Variants in SGK3 observed in about 807,000 individuals in gnomAD.
SGK3 encodes serine/threonine-protein kinase Sgk3.
SGK3 carries 47 observed loss-of-function variants against 68.5 expected under a neutral mutation model. The observed-to-expected ratio is 0.69, with a 90% confidence interval of 0.54 to 0.87. The LOEUF (loss-of-function observed/expected upper bound fraction) is 0.87. SGK3 is among the 40% of genes least tolerant of loss of function. The probability of loss-of-function intolerance (pLI) is 0.00; values close to 1 mark genes in which losing one functional copy is unlikely to be tolerated. For synonymous variants in SGK3, 181 were observed against 189.1 expected (o/e 0.96, Z 0.35); for missense variants, 479 against 575.5 (o/e 0.83, Z 1.72).
chr8:66,856,973 G>C (rs1035910694), intron 16 of SGK3, among the ~76,000 whole-genome samples: 9 of 152,006 alleles, frequency 5.9e-5, no homozygotes, highest in African/African-American at 2.2e-4. Flanking sequence ...CATATCTGTA[G>C]TCCCAGCTAC....
intron 6 of SGK3, among the ~76,000 whole-genome samples, chr8:66,824,776 T>A (rs73693609): frequency 0.02 from 3,108 of 152,286 alleles, 109 homozygotes; most frequent in African/African-American, 0.069. Context: ...ATGTTAAGCT[T>A]TGACACATCA....
chr8:66,794,612 AT>A lies in SGK3; in HGVS notation c.96+783del, dbSNP rs1807599598. On this transcript the variant is annotated intron_variant, in intron 2 of 16. Transcript: ENST00000521198. The stretch of plus-strand genomic sequence containing the variant: ...TGTTTAATACTTAGTCTATCTAATA[AT>A]TTAACCAGGTCTCAGGATAAAATGC... Among the ~76,000 whole-genome samples the A allele has an allele frequency of 2.6e-5, 4 of 152,168 alleles. No homozygotes were observed. In the South Asian group the frequency reaches 8.3e-4, roughly 32 times the overall value.
chr8:66,806,741 A>G (rs1808180207), intron 4 of SGK3, among the ~76,000 whole-genome samples: 1 of 149,278 alleles, frequency 6.7e-6, no homozygotes, highest in Non-Finnish European at 1.5e-5. Context: ...TGAATCCAGG[A>G]GTCGGAGGTT....
chr8:66,735,437 G>A (rs1251545317), intron 1 of SGK3, among the ~76,000 whole-genome samples: 1 of 152,218 alleles, frequency 6.6e-6, no homozygotes, highest in African/African-American at 2.4e-5. Context: ...TTTAGCGGAA[G>A]TCTCTTCTCA....
At chr8:66,807,636 C>A (rs946301546) in intron 4 of SGK3, among the ~76,000 whole-genome samples, 2 of 152,124 alleles carry the variant, frequency 1.3e-5, no homozygotes, top group African/African-American at 4.8e-5. Flanking sequence ...ATAAGATGCT[C>A]ATTTGGTTAT....
intron 8 of SGK3, among the ~76,000 whole-genome samples, chr8:66,835,146 T>G (rs1469038428): frequency 6.6e-6 from 1 of 152,138 alleles, no homozygotes; most frequent in African/African-American, 2.4e-5. Context: ...GGCACACGCC[T>G]GTAGTCCCAG....
At chr8:66,814,513 C>T (rs991835874) in intron 5 of SGK3, among the ~76,000 whole-genome samples, 15 of 152,162 alleles carry the variant, frequency 9.9e-5, no homozygotes, top group Non-Finnish European at 1.8e-4. Flanking sequence ...AAGCCTGAAC[C>T]GTCAGGACAC....
In SGK3 at chr8:66,751,136, C is replaced by T. The variant is rs560757526; in HGVS notation, c.-122+38303C>T. On this transcript the variant is annotated intron_variant, in intron 1 of 16. Coordinates refer to ENST00000521198, the MANE Select transcript of SGK3 (RefSeq NM_001033578.3). ...AACACACGGTGAAACCCTGTCTCTA[C>T]TAAAAATACAAAAAAATTAGCCGGG... is the stretch of plus-strand genomic sequence containing the variant. Among the ~76,000 whole-genome samples the T allele has an allele frequency of 2.0e-5, 3 of 151,802 alleles. No homozygotes were observed. The East Asian group carries it at 5.8e-4, about 29-fold the overall frequency.
At chr8:66,785,434 G>A (rs1194467170) in intron 1 of SGK3, among the ~76,000 whole-genome samples, 1 of 152,152 alleles carries the variant, frequency 6.6e-6, no homozygotes, top group Non-Finnish European at 1.5e-5. Flanking sequence ...TGGCATTAGT[G>A]CTCAGTAAAT....
At chr8:66,766,674 C>T (rs1333012594) in intron 1 of SGK3, among the ~76,000 whole-genome samples, 6 of 152,038 alleles carry the variant, frequency 3.9e-5, no homozygotes, top group Non-Finnish European at 8.8e-5. Flanking sequence ...TCTATTTCTT[C>T]TTGAAATATT....
At chr8:66,785,278 T>C (rs1426789920) in intron 1 of SGK3, among the ~76,000 whole-genome samples, 2 of 152,202 alleles carry the variant, frequency 1.3e-5, no homozygotes, top group East Asian at 1.9e-4. Flanking sequence ...ATGAGAGTGC[T>C]TTCACCCACA....
chr8:66,746,559 AT>A (rs1003317870), intron 1 of SGK3, among the ~76,000 whole-genome samples: 96 of 146,664 alleles, frequency 6.5e-4, no homozygotes, highest in South Asian at 3.9e-3. Context: ...CTGTCTCTAC[AT>A]TTTTTTTTTT....
Position 66,850,951 on chromosome 8 carries a change from A to G in SGK3, c.1320+31A>G, listed in dbSNP as rs1016993699. On this transcript the variant is annotated intron_variant, in intron 16 of 16. Coordinates refer to ENST00000521198, the MANE Select transcript of SGK3 (RefSeq NM_001033578.3). ...TATATATCCAAATCTTTCTTTCTAG[A>G]ATCGTGAAACTTAATAGCAGTTCAT... is the stretch of plus-strand genomic sequence containing the variant. 4 of 1,569,482 alleles carry G rather than the reference A, an allele frequency of 2.5e-6. No homozygotes were observed. In the African/African-American group the frequency reaches 5.5e-5, roughly 21 times the overall value.
At chr8:66,713,699 G>T (rs1329896685) in intron 1 of SGK3, among the ~76,000 whole-genome samples, 1 of 152,224 alleles carries the variant, frequency 6.6e-6, no homozygotes, top group South Asian at 2.1e-4. Flanking sequence ...CCCTTACTAT[G>T]CGCTGGGCTC....
At chr8:66,828,808 G>A in intron 7 of SGK3, 105 bp downstream of exon 7, 1 of 1,395,306 alleles carries the variant, frequency 7.2e-7, no homozygotes, top group African/African-American at 1.4e-5. Context: ...GTAGGCCTTT[G>A]AAATATAACC....
Position 66,817,289 on chromosome 8 carries a change from G to C in SGK3, c.329+3361G>C, listed in dbSNP as rs182383381. Among the ~76,000 whole-genome samples, 650 of 152,020 alleles carry C rather than the reference G, an allele frequency of 4.3e-3. 6 individuals are homozygous for C. The highest frequency in any genetic ancestry group is 0.015 in the African/African-American group (620 of 41,548). ...CTACTAAAAATACAAAAATTAACCA[G>C]GCATGGTGGCCTGTGCCTGTGGTCC... On this transcript the variant is annotated intron_variant, in intron 5 of 16. Coordinates refer to ENST00000521198, the MANE Select transcript of SGK3 (RefSeq NM_001033578.3).
At chr8:66,735,090 A>G (rs79160824) in intron 1 of SGK3, among the ~76,000 whole-genome samples, 4,255 of 152,280 alleles carry the variant, frequency 0.028, 192 homozygotes, top group African/African-American at 0.096. Flanking sequence ...CAGATTTATA[A>G]ATTAAACTTT....
At chr8:66,734,862 G>T in intron 1 of SGK3, among the ~76,000 whole-genome samples, 1 of 150,994 alleles carries the variant, frequency 6.6e-6, no homozygotes, top group East Asian at 1.9e-4. Context: ...CAGGAGAATC[G>T]CTTGAACCCA....
intron 16 of SGK3, among the ~76,000 whole-genome samples, chr8:66,854,983 T>TAAC (rs767660434): frequency 1.1e-4 from 16 of 152,080 alleles, no homozygotes; most frequent in East Asian, 7.7e-4. Context: ...ACCCTGTCTC[T>TAAC]AACAACAACA....
Sources: allele counts gnomAD v4.1 joint callset (sites outside exome capture counted in the v4.1 genomes callset), GRCh38; gene constraint gnomAD v4.1.1; transcripts MANE v1.5; gene names NCBI Gene and HGNC (gene_info 2026-07-23, HGNC 2026-07-21).